DNMBP: variants seen among roughly 807,000 people sequenced by gnomAD.
DNMBP encodes the protein dynamin-binding protein.
In DNMBP, 87 loss-of-function variants were observed where a neutral mutation model predicts 150.0. That is an observed-to-expected ratio of 0.58 (90% CI 0.49 to 0.69). The LOEUF (loss-of-function observed/expected upper bound fraction) is 0.69. Among genes scored for constraint, DNMBP ranks in the 30% least tolerant of loss-of-function variants. The pLI is 0.00. For synonymous variants in DNMBP, 711 were observed against 750.4 expected (o/e 0.95, Z 0.86); for missense variants, 1,774 against 1,949.0 (o/e 0.91, Z 1.69).
rs762574054 is a variant in DNMBP at position 99,956,990 on chromosome 10, C to T, written c.484G>A (p.Glu162Lys). 20 of 1,614,114 alleles carry T rather than the reference C, an allele frequency of 1.2e-5. No homozygotes were observed. The African/African-American group carries it at 2.4e-4, about 19-fold the overall frequency. The change falls in exon 4 of 17, where the codon GAA becomes AAA. Residue 162 changes from glutamate (E) to lysine (K), a missense_variant. Coordinates refer to ENST00000324109, the MANE Select transcript of DNMBP (RefSeq NM_015221.4). ...TCCCCTTCCCTGAAGTCCAGCTCTT[C>T]ATCCAGCTGAGCAGAAAGCCCCATT... ...ALMGLSAQLD[E>K]ELDFREGDVI...
chr10:99,948,041 C>T (rs1405379504), intron 4 of DNMBP, among the ~76,000 whole-genome samples: 5 of 152,124 alleles, frequency 3.3e-5, no homozygotes, highest in South Asian at 2.1e-4. Flanking sequence ...TGTGGGGGCA[C>T]GGGATATGGG....
intron 1 of DNMBP, among the ~76,000 whole-genome samples, chr10:100,004,642 C>T (rs757100067): frequency 1.7e-4 from 26 of 152,062 alleles, no homozygotes; most frequent in South Asian, 8.3e-4. Flanking sequence ...CATGAAAATG[C>T]GGGCCCTAGA....
intron 1 of DNMBP, among the ~76,000 whole-genome samples, chr10:99,990,776 CAT>C: frequency 9.2e-6 from 1 of 109,082 alleles, no homozygotes; most frequent in Admixed American, 9.3e-5. Context: ...CATATATACA[CAT>C]ATATACACAC....
In DNMBP at chr10:99,877,098, C is replaced by T. The variant is rs2039285941; in HGVS notation, c.*53G>A. The T allele has an allele frequency of 2.2e-6, 3 of 1,355,594 alleles. No homozygotes were observed. Among genetic ancestry groups the T allele is most frequent in the South Asian group, 3.8e-5 (2 of 52,124 alleles). 84.0% of individuals were successfully genotyped at this position (1,355,594 alleles called of 1,614,324 possible). On this transcript the variant is annotated 3_prime_UTR_variant, in exon 17 of 17. Transcript: ENST00000324109. ...CGCCCTCTCGGTGGGCCGCCAGAACCCTCGGCGGACTGAAAGCAAAGGCAG... is the reference window on the plus strand; with the variant it reads ...CGCCCTCTCGGTGGGCCGCCAGAACTCTCGGCGGACTGAAAGCAAAGGCAG...
At position 99,955,460 on chromosome 10, in the gene DNMBP, T is replaced by C. The variant is rs761635760; in HGVS notation, c.2014A>G (p.Thr672Ala). The C allele has an allele frequency of 6.2e-7, 1 of 1,609,702 alleles. No homozygotes were observed. The highest frequency in any genetic ancestry group is 2.2e-5 in the East Asian group (1 of 44,792). Residue 672 changes from threonine (T) to alanine (A), a missense_variant, in exon 4 of 17, where the codon ACC becomes GCC. Around this residue, in one of 2 missense-constraint regions of DNMBP, gnomAD observed 1,430 missense variants for 1,492.5 expected, o/e 0.96. Transcript: ENST00000324109. ...TGACCAGGGCCCTCCTTTTCTAAGGTCTCACAGGTAGGACGGTGTCGAGAT... is the reference window on the plus strand; with the variant it reads ...TGACCAGGGCCCTCCTTTTCTAAGGCCTCACAGGTAGGACGGTGTCGAGAT... ...LLSRHRPTCE[T>A]LEKEGPGHMG...
chr10:99,893,718 T>C (rs894539024), intron 11 of DNMBP, among the ~76,000 whole-genome samples: 13 of 152,314 alleles, frequency 8.5e-5, no homozygotes, highest in Admixed American at 4.6e-4. Flanking sequence ...AGTGAGACTC[T>C]GTCTCAAAGG....
At chr10:99,905,094 G>C (rs1209950365) in intron 6 of DNMBP, among the ~76,000 whole-genome samples, 2 of 151,986 alleles carry the variant, frequency 1.3e-5, no homozygotes, top group East Asian at 3.8e-4. Flanking sequence ...AAATGACCCA[G>C]AGATACTTAT....
intron 6 of DNMBP, among the ~76,000 whole-genome samples, chr10:99,901,233 G>A (rs573225436): frequency 6.6e-6 from 1 of 152,348 alleles, no homozygotes; most frequent in East Asian, 1.9e-4. Flanking sequence ...CCAGCCATAT[G>A]TACTTCTTTA....
At chr10:99,937,259 C>G (rs559108996) in intron 4 of DNMBP, among the ~76,000 whole-genome samples, 2 of 152,104 alleles carry the variant, frequency 1.3e-5, no homozygotes, top group South Asian at 4.2e-4. Flanking sequence ...TTGTTCTGGT[C>G]CCTTGTACCT....
At chr10:99,894,905 A>G (rs369740878) in intron 11 of DNMBP, 41 bp downstream of exon 11, 7 of 1,438,486 alleles carry the variant, frequency 4.9e-6, no homozygotes, top group Middle Eastern at 1.7e-4. Flanking sequence ...GGACAGAATT[A>G]CATCGTATGT....
At chr10:99,964,209 C>T (rs1450052792) in intron 3 of DNMBP, among the ~76,000 whole-genome samples, 2 of 130,012 alleles carry the variant, frequency 1.5e-5, no homozygotes, top group Admixed American at 1.8e-4. Context: ...GTGGTGCGAT[C>T]TCGGCTCGCT....
intron 11 of DNMBP, among the ~76,000 whole-genome samples, chr10:99,889,886 T>C (rs1170648711): frequency 6.6e-6 from 1 of 152,138 alleles, no homozygotes; most frequent in African/African-American, 2.4e-5. Flanking sequence ...ATGATTCCTA[T>C]AGGATTAGGA....
intron 10 of DNMBP, 50 bp from the exon 11 acceptor site, chr10:99,895,100 T>C (rs376539578): frequency 2.1e-5 from 20 of 943,578 alleles, no homozygotes; most frequent in Non-Finnish European, 3.2e-5. Context: ...ACTCCTTTAA[T>C]CTTACTGGCA....
intron 7 of DNMBP, 23 bp downstream of exon 7, chr10:99,899,893 GGAA>G: frequency 6.2e-7 from 1 of 1,613,508 alleles, no homozygotes. Flanking sequence ...GAGCTGTAAT[GGAA>G]GTTAAGTGGT....
At chr10:99,993,032 T>C (rs1014605219) in intron 1 of DNMBP, among the ~76,000 whole-genome samples, 8 of 152,012 alleles carry the variant, frequency 5.3e-5, no homozygotes, top group African/African-American at 1.9e-4. Flanking sequence ...AGCAAGACCC[T>C]GACTCAACAT....
intron 1 of DNMBP, among the ~76,000 whole-genome samples, chr10:99,977,751 ACT>A (rs376332951): frequency 5.9e-5 from 9 of 151,946 alleles, no homozygotes; most frequent in African/African-American, 1.2e-4. Flanking sequence ...AATATATGAA[ACT>A]CTTTTTTTAT....
chr10:99,933,987 C>T (rs1257719265), intron 4 of DNMBP, among the ~76,000 whole-genome samples: 3 of 152,166 alleles, frequency 2.0e-5, no homozygotes, highest in South Asian at 2.1e-4. Context: ...CCCCCTGCCT[C>T]GGCGTCCCAA....
chr10:99,931,517 C>T (rs1011607298), intron 4 of DNMBP, among the ~76,000 whole-genome samples: 1 of 152,168 alleles, frequency 6.6e-6, no homozygotes, highest in Non-Finnish European at 1.5e-5. Flanking sequence ...AAACATTCTT[C>T]CCAGAATGGA....
chr10:100,001,952 C>A (rs1298684835), intron 1 of DNMBP, among the ~76,000 whole-genome samples: 1 of 152,134 alleles, frequency 6.6e-6, no homozygotes, highest in Non-Finnish European at 1.5e-5. Flanking sequence ...GCTGTTTGTG[C>A]ACGGAGGCTC....
Sources: allele counts gnomAD v4.1 joint callset (sites outside exome capture counted in the v4.1 genomes callset), GRCh38; gene constraint gnomAD v4.1.1; regional missense constraint gnomAD v4.1.1; transcripts MANE v1.5; gene names NCBI Gene and HGNC (gene_info 2026-07-23, HGNC 2026-07-21).